ZBTB20: variants seen among roughly 807,000 people sequenced by gnomAD.
ZBTB20 encodes zinc finger and BTB domain-containing protein 20.
In ZBTB20, 9 loss-of-function variants were observed where a neutral mutation model predicts 56.9. The observed-to-expected ratio is 0.16, with a 90% CI of 0.10 to 0.28. The LOEUF is 0.28. Ranked by LOEUF, ZBTB20 falls within the 10% of genes least tolerant of loss-of-function variation. The probability of loss-of-function intolerance (pLI) is 1.00; values close to 1 mark genes in which losing one functional copy is unlikely to be tolerated. For missense variants in ZBTB20, 655 were observed against 1,003.0 expected (o/e 0.65, Z 4.69); for synonymous variants, 417 against 420.7 (o/e 0.99, Z 0.11).
chr3:115,120,251 A>G (rs2084144977), intron 1 of ZBTB20, among the ~76,000 whole-genome samples: 1 of 152,080 alleles, frequency 6.6e-6, no homozygotes, highest in Non-Finnish European at 1.5e-5. Flanking sequence ...AACGTTACTA[A>G]TGGTGGAGGC....
At chr3:114,982,301 G>C (rs2078361722) in intron 2 of ZBTB20, among the ~76,000 whole-genome samples, 1 of 151,938 alleles carries the variant, frequency 6.6e-6, no homozygotes, top group South Asian at 2.1e-4. Context: ...TTAATTTCTA[G>C]TCCTAAATCA....
At chr3:114,605,685 C>CAGAGGCGTGGGACTCTGACTTTT (rs1227214457) in intron 6 of ZBTB20, among the ~76,000 whole-genome samples, 1 of 152,102 alleles carries the variant, frequency 6.6e-6, no homozygotes, top group Non-Finnish European at 1.5e-5. Flanking sequence ...TGTGAGAGAA[C>CAGAGGCGTGGGACTCTGACTTTT]AGAGGCGTGG....
intron 3 of ZBTB20, among the ~76,000 whole-genome samples, chr3:114,965,772 T>C (rs1316612048): frequency 6.6e-6 from 1 of 152,202 alleles, no homozygotes; most frequent in Admixed American, 6.5e-5. Context: ...GTTGAGCATT[T>C]TTTCATATAC....
intron 7 of ZBTB20, among the ~76,000 whole-genome samples, chr3:114,485,790 G>A (rs1577034403): frequency 6.6e-6 from 1 of 152,202 alleles, no homozygotes; most frequent in African/African-American, 2.4e-5. Context: ...ACAGCAAGAG[G>A]TGCGATCTTG....
intron 8 of ZBTB20, chr3:114,388,408 C>G (rs1463410056): frequency 6.6e-6 from 1 of 152,170 alleles, no homozygotes; most frequent in Non-Finnish European, 1.5e-5. Flanking sequence ...CTCTACTTCT[C>G]CTACATAAAT....
intron 7 of ZBTB20, among the ~76,000 whole-genome samples, chr3:114,425,674 A>T (rs1403456647): frequency 1.3e-5 from 2 of 152,166 alleles, no homozygotes; most frequent in Non-Finnish European, 2.9e-5. Context: ...TGAAGGGCTG[A>T]TGCACTCATC....
At chr3:114,733,937 C>A (rs985962288) in intron 5 of ZBTB20, among the ~76,000 whole-genome samples, 1 of 152,026 alleles carries the variant, frequency 6.6e-6, no homozygotes, top group African/African-American at 2.4e-5. Context: ...AAAACAAAGT[C>A]CTTTTCCTTC....
chr3:114,713,805 T>C (rs2064262837), intron 5 of ZBTB20, among the ~76,000 whole-genome samples: 1 of 152,184 alleles, frequency 6.6e-6, no homozygotes, highest in Non-Finnish European at 1.5e-5. Context: ...ATTTATAATA[T>C]ACACGAAACA....
chr3:114,956,418 G>C (rs927890612), intron 3 of ZBTB20, among the ~76,000 whole-genome samples: 1 of 152,164 alleles, frequency 6.6e-6, no homozygotes, highest in South Asian at 2.1e-4. Flanking sequence ...AAGACAGCAA[G>C]GTAGACATCC....
chr3:114,332,425 C>A lies in ZBTB20; in HGVS notation c.*6580G>T, dbSNP rs915688140. On this transcript the variant is annotated 3_prime_UTR_variant, in exon 12 of 12. Coordinates refer to ENST00000675478, the MANE Select transcript of ZBTB20 (RefSeq NM_001348800.3). ...TGTTTAAAACTAGTACTCCCGGGCA[C>A]CTGTGATTGCATTTTATAGGATTCT... 1 of 152,172 alleles carries A rather than the reference C, an allele frequency of 6.6e-6. No homozygotes were observed. Among genetic ancestry groups the A allele is most frequent in the Non-Finnish European group, 1.5e-5 (1 of 68,050 alleles). The allele number at this position is 152,172 out of a possible 1,614,324, so 9.4% of individuals were successfully genotyped here.
At chr3:115,049,470 C>T (rs1015737525) in intron 2 of ZBTB20, among the ~76,000 whole-genome samples, 51 of 152,220 alleles carry the variant, frequency 3.4e-4, no homozygotes, top group African/African-American at 1.2e-3. Context: ...AATATTCTTA[C>T]AATAGAACCC....
chr3:114,782,948 A>C (rs1451351043), intron 5 of ZBTB20, among the ~76,000 whole-genome samples: 5 of 152,230 alleles, frequency 3.3e-5, no homozygotes, highest in Non-Finnish European at 7.3e-5. Context: ...CCTGTATGGC[A>C]ATCAGTCCAG....
At chr3:115,102,702 G>A (rs74657184) in intron 1 of ZBTB20, 8,184 of 152,050 alleles carry the variant, frequency 0.054, 331 homozygotes, top group Admixed American at 0.15. Flanking sequence ...GGGCACAGTG[G>A]CTCACACCGT....
At chr3:114,543,035 G>A (rs985039368) in intron 6 of ZBTB20, among the ~76,000 whole-genome samples, 2 of 151,992 alleles carry the variant, frequency 1.3e-5, no homozygotes, top group African/African-American at 4.8e-5. Context: ...CTGTCCCTTG[G>A]TATCCTCGAG....
intron 2 of ZBTB20, among the ~76,000 whole-genome samples, chr3:115,052,506 G>C (rs2081592250): frequency 6.6e-6 from 1 of 151,438 alleles, no homozygotes; most frequent in Non-Finnish European, 1.5e-5. Flanking sequence ...GTATACTAAA[G>C]AAATACAGAG....
At chr3:114,483,126 G>A (rs1189412532) in intron 7 of ZBTB20, among the ~76,000 whole-genome samples, 1 of 152,012 alleles carries the variant, frequency 6.6e-6, no homozygotes, top group Non-Finnish European at 1.5e-5. Flanking sequence ...TCTCATTGTG[G>A]TTCTAGTTTA....
intron 5 of ZBTB20, among the ~76,000 whole-genome samples, chr3:114,713,040 C>A (rs576632828): frequency 6.6e-6 from 1 of 152,108 alleles, no homozygotes; most frequent in African/African-American, 2.4e-5. Context: ...GATAACTAGG[C>A]ATTACTAGGT....
intron 2 of ZBTB20, chr3:115,027,673 A>T (rs1219806255): frequency 6.6e-6 from 1 of 151,050 alleles, no homozygotes; most frequent in Non-Finnish European, 1.5e-5. Flanking sequence ...ATGCATAAAT[A>T]TACAAAATAA....
intron 6 of ZBTB20, among the ~76,000 whole-genome samples, chr3:114,623,327 C>CG (rs1560051753): frequency 1.3e-5 from 2 of 152,136 alleles, no homozygotes; most frequent in Non-Finnish European, 2.9e-5. Context: ...TCCATTCCTT[C>CG]GACAACTTCC....
Sources: allele counts gnomAD v4.1 joint callset (sites outside exome capture counted in the v4.1 genomes callset), GRCh38; gene constraint gnomAD v4.1.1; transcripts MANE v1.5; gene names NCBI Gene and HGNC (gene_info 2026-07-23, HGNC 2026-07-21).